TASP1: variants seen among roughly 807,000 people sequenced by gnomAD.
The protein encoded by TASP1 is threonine aspartase 1.
TASP1 carries 16 observed loss-of-function variants against 56.6 expected under a neutral mutation model. That is an observed-to-expected ratio of 0.28 (90% CI 0.19 to 0.43). The LOEUF (loss-of-function observed/expected upper bound fraction) is 0.43, where lower values mean the gene tolerates loss of function less well. Ranked by LOEUF, TASP1 falls within the 20% of genes least tolerant of loss-of-function variation. The pLI is 1.00. For missense variants in TASP1, 393 were observed against 511.6 expected, an observed-to-expected ratio of 0.77 and a Z score of 2.24; for synonymous variants, 179 against 184.2, an observed-to-expected ratio of 0.97 and a Z score of 0.23.
At position 13,632,493 on chromosome 20, in the gene TASP1, C is replaced by T. The variant is rs187028944; in HGVS notation, c.-74-2341G>A. Among the ~76,000 whole-genome samples, 1,484 of 152,116 alleles carry T rather than the reference C, an allele frequency of 9.8e-3. 14 individuals are homozygous for T. Among genetic ancestry groups the T allele is most frequent in the South Asian group, 0.031 (151 of 4,822 alleles). On this transcript the variant is annotated intron_variant, in intron 1 of 13. Transcript: ENST00000337743. ...ATATATGAGAGATTTTAAAGCATTG[C>T]TTCTCAACGTTGTCTAAAAAGAAAT...
intron 11 of TASP1, among the ~76,000 whole-genome samples, chr20:13,441,409 T>C (rs750227072): frequency 3.3e-5 from 5 of 152,144 alleles, no homozygotes; most frequent in Non-Finnish European, 7.3e-5. Flanking sequence ...CAGTAAGTGC[T>C]ATGAAGAAAA....
chr20:13,225,155 T>C, the TASP1 span, among the ~76,000 whole-genome samples: 7 of 152,008 alleles, frequency 4.6e-5, no homozygotes, highest in African/African-American at 1.7e-4. Context: ...GCCCGGCCCA[T>C]ACTAGCTTTC....
chr20:13,382,526 G>A, the TASP1 span, among the ~76,000 whole-genome samples: 10 of 152,110 alleles, frequency 6.6e-5, no homozygotes, highest in Non-Finnish European at 1.5e-4. Flanking sequence ...TACACCTGTA[G>A]TCCCAGCTAG....
At chr20:13,566,754 TG>T (rs2046543164) in intron 7 of TASP1, among the ~76,000 whole-genome samples, 1 of 152,152 alleles carries the variant, frequency 6.6e-6, no homozygotes, top group Non-Finnish European at 1.5e-5. Context: ...CCAGTCAGAA[TG>T]GCTATTATTA....
chr20:13,230,775 A>C, the TASP1 span, among the ~76,000 whole-genome samples: 1 of 152,030 alleles, frequency 6.6e-6, no homozygotes, highest in Admixed American at 6.6e-5. Flanking sequence ...AGAAAAAAAA[A>C]CCTCACTTTG....
intron 4 of TASP1, among the ~76,000 whole-genome samples, chr20:13,607,273 C>T (rs1018249055): frequency 6.6e-6 from 1 of 152,190 alleles, no homozygotes; most frequent in African/African-American, 2.4e-5. Context: ...TACTCTCCCA[C>T]CACGACATGG....
At chr20:13,152,569 C>G in the TASP1 span, among the ~76,000 whole-genome samples, 1 of 152,160 alleles carries the variant, frequency 6.6e-6, no homozygotes, top group Non-Finnish European at 1.5e-5. Context: ...CAGGTTAGGA[C>G]AAAGATGTAG....
chr20:13,330,541 A>G, the TASP1 span, among the ~76,000 whole-genome samples: 1 of 152,210 alleles, frequency 6.6e-6, no homozygotes, highest in Admixed American at 6.5e-5. Flanking sequence ...AAAATTGGAA[A>G]GCTTTGGCTC....
the TASP1 span, among the ~76,000 whole-genome samples, chr20:13,316,134 T>C: frequency 6.6e-6 from 1 of 151,826 alleles, no homozygotes; most frequent in Non-Finnish European, 1.5e-5. Context: ...ATCATGGACA[T>C]TAAAAGGATA....
the TASP1 span, chr20:13,270,456 T>C: frequency 6.4e-7 from 1 of 1,562,048 alleles, no homozygotes; most frequent in Non-Finnish European, 8.7e-7. Context: ...GTGACATTTT[T>C]TAATCATGTG....
At chr20:13,377,654 G>C in the TASP1 span, among the ~76,000 whole-genome samples, 1 of 152,176 alleles carries the variant, frequency 6.6e-6, no homozygotes, top group Non-Finnish European at 1.5e-5. Context: ...AATGGTACCA[G>C]CTCTTTTTTA....
intron 10 of TASP1, among the ~76,000 whole-genome samples, chr20:13,528,082 G>T (rs1228496216): frequency 6.6e-6 from 1 of 151,758 alleles, no homozygotes; most frequent in Non-Finnish European, 1.5e-5. Flanking sequence ...AATCAGCCGG[G>T]TGTGGTGGTG....
chr20:13,268,310 TTTCTC>T, the TASP1 span, among the ~76,000 whole-genome samples: 767 of 150,656 alleles, frequency 5.1e-3, 2 homozygotes, highest in African/African-American at 0.017. Context: ...TCTCTTCTCT[TTTCTC>T]TTCTCTTCTC....
rs563314919 is a variant in TASP1, at chr20:13,408,197, A to G, written c.1170+9251T>C. On this transcript the variant is annotated intron_variant, in intron 13 of 13. Coordinates refer to ENST00000337743, the MANE Select transcript of TASP1 (RefSeq NM_017714.3). ...AAGAAATTCATAGTTTTAGCTCTTA[A>G]TATTTTGGTTCCTGATAAATTTTGA... 2.1e-4 allele frequency among the ~76,000 whole-genome samples: 32 copies of G among 152,278 alleles called. No individual in the cohort carries two copies. The East Asian group carries it at 3.1e-3, about 15-fold the overall frequency.
At chr20:13,243,937 A>G in the TASP1 span, 1 of 152,172 alleles carries the variant, frequency 6.6e-6, no homozygotes, top group African/African-American at 2.4e-5. Flanking sequence ...TCCACATAAT[A>G]TGTTTGCTTA....
At chr20:13,614,999 T>A (rs1057271939) in intron 4 of TASP1, 1 of 280,536 alleles carries the variant, frequency 3.6e-6, no homozygotes, top group African/African-American at 2.2e-5. Flanking sequence ...TATGGAAACA[T>A]CACTCAAGAA....
chr20:13,206,376 G>A, the TASP1 span, among the ~76,000 whole-genome samples: 3 of 152,018 alleles, frequency 2.0e-5, no homozygotes, highest in East Asian at 1.9e-4. Context: ...GGTAATAAGT[G>A]GATGGATATA....
chr20:13,478,686 T>C (rs2043028514), intron 11 of TASP1, among the ~76,000 whole-genome samples: 1 of 152,070 alleles, frequency 6.6e-6, no homozygotes, highest in African/African-American at 2.4e-5. Context: ...TACATCCATG[T>C]AGCAAAACTG....
the TASP1 span, among the ~76,000 whole-genome samples, chr20:13,241,661 C>T: frequency 1.3e-5 from 2 of 151,936 alleles, no homozygotes; most frequent in Non-Finnish European, 2.9e-5. Context: ...ACAAGTAGGA[C>T]GTTTGAGGAG....
Sources: allele counts gnomAD v4.1 joint callset (sites outside exome capture counted in the v4.1 genomes callset), GRCh38; gene constraint gnomAD v4.1.1; transcripts MANE v1.5; gene names NCBI Gene and HGNC (gene_info 2026-07-23, HGNC 2026-07-21).